GYPE: variants seen among roughly 807,000 people sequenced by gnomAD.
The protein encoded by GYPE is glycophorin E (MNS blood group), also known as glycophorin-E.
GYPE carries 8 observed loss-of-function variants against 11.6 expected under a neutral mutation model. The observed-to-expected ratio is 0.69, with a 90% CI of 0.41 to 1.25. The LOEUF is 1.25. GYPE is among the 50% of genes most tolerant of loss of function. The probability of loss-of-function intolerance (pLI) is 0.01; values close to 1 mark genes in which losing one functional copy is unlikely to be tolerated. For missense variants in GYPE, 90 were observed against 92.8 expected (o/e 0.97, Z 0.12); for synonymous variants, 28 against 29.6 (o/e 0.94, Z 0.18).
chr4:143,892,357 G>A (rs1744442288), intron 1 of GYPE, among the ~76,000 whole-genome samples: 1 of 150,610 alleles, frequency 6.6e-6, no homozygotes, highest in South Asian at 2.1e-4. Flanking sequence ...GCTAGCTTTT[G>A]AATGTGTTTG....
intron 2 of GYPE, among the ~76,000 whole-genome samples, chr4:143,879,017 A>T (rs555950153): frequency 2.0e-5 from 3 of 152,292 alleles, no homozygotes; most frequent in Admixed American, 2.0e-4. Flanking sequence ...AAATAATGAG[A>T]AGAAAGGAGG....
At chr4:143,873,248 T>G in intron 3 of GYPE, 1 of 294,454 alleles carries the variant, frequency 3.4e-6, no homozygotes, top group South Asian at 3.4e-5. Flanking sequence ...ATTTTTATGC[T>G]TTGCTAGGCC....
chr4:143,895,997 A>T (rs2149914326), intron 1 of GYPE, among the ~76,000 whole-genome samples: 1 of 152,282 alleles, frequency 6.6e-6, no homozygotes, highest in East Asian at 1.9e-4. Flanking sequence ...ACTTTATACA[A>T]AAATTAATTC....
At chr4:143,903,297 G>A (rs1744934647) in intron 1 of GYPE, among the ~76,000 whole-genome samples, 1 of 151,144 alleles carries the variant, frequency 6.6e-6, no homozygotes, top group African/African-American at 2.5e-5. Flanking sequence ...TATCCTCCAT[G>A]GGAGCCCATT....
At chr4:143,880,119 C>T (rs1743967592) in intron 2 of GYPE, among the ~76,000 whole-genome samples, 1 of 152,238 alleles carries the variant, frequency 6.6e-6, no homozygotes, top group Non-Finnish European at 1.5e-5. Context: ...CTCCGCACCA[C>T]CGCACTATTA....
At chr4:143,902,565 C>CCT (rs371300250) in intron 1 of GYPE, among the ~76,000 whole-genome samples, 1 of 151,374 alleles carries the variant, frequency 6.6e-6, no homozygotes, top group East Asian at 1.9e-4. Flanking sequence ...TTCTTGCCTC[C>CCT]CTCTCTCTCT....
chr4:143,896,410 C>T (rs1313540992), intron 1 of GYPE, among the ~76,000 whole-genome samples: 18 of 152,230 alleles, frequency 1.2e-4, no homozygotes, highest in Non-Finnish European at 2.5e-4. Flanking sequence ...TGAAAAAATG[C>T]TCATCATCAC....
chr4:143,873,099 T>C (rs1743673415), intron 3 of GYPE, among the ~76,000 whole-genome samples: 1 of 152,196 alleles, frequency 6.6e-6, no homozygotes, highest in African/African-American at 2.4e-5. Context: ...TGTGGGGCTG[T>C]TACTATATTC....
chr4:143,896,001 T>G (rs1228045598), intron 1 of GYPE, among the ~76,000 whole-genome samples: 2 of 152,048 alleles, frequency 1.3e-5, no homozygotes, highest in Non-Finnish European at 2.9e-5. Context: ...TATACAAAAA[T>G]TAATTCAAGA....
At chr4:143,904,042 C>A (rs1156548593) in intron 1 of GYPE, among the ~76,000 whole-genome samples, 2 of 151,986 alleles carry the variant, frequency 1.3e-5, no homozygotes, top group Non-Finnish European at 1.5e-5. Context: ...CACTACATCC[C>A]TTTCATTTGT....
At chr4:143,897,579 G>A (rs142028240) in intron 1 of GYPE, among the ~76,000 whole-genome samples, 9 of 152,212 alleles carry the variant, frequency 5.9e-5, no homozygotes, top group Middle Eastern at 3.2e-3. Context: ...GTGTGTGTGA[G>A]TCTGTGTGCT....
chr4:143,905,232 G>A (rs111811183), intron 1 of GYPE, among the ~76,000 whole-genome samples: 3,009 of 152,232 alleles, frequency 0.02, 113 homozygotes, highest in African/African-American at 0.069. Flanking sequence ...GCTAGACTTA[G>A]AATTGAAGTA....
chr4:143,872,505 C>G (rs1324567984), intron 3 of GYPE, among the ~76,000 whole-genome samples: 1 of 151,640 alleles, frequency 6.6e-6, no homozygotes, highest in Admixed American at 6.6e-5. Context: ...GAGCTGAGTG[C>G]TATGAAAAAA....
rs1033372366 is a variant in GYPE, at chr4:143,871,466, A to G, written c.*796T>C. ...TGAGTTTGTGTTCACTGCTGGGGCC[A>G]GATCTCTTTGCAGGGCTATGTTAGG... On this transcript the variant is annotated 3_prime_UTR_variant, in exon 4 of 4. Coordinates refer to ENST00000358615, the MANE Select transcript of GYPE (RefSeq NM_198682.3). The G allele has an allele frequency of 6.6e-6, 1 of 152,210 alleles. No individual in the cohort carries two copies. Among genetic ancestry groups the G allele is most frequent in the African/African-American group, 2.4e-5 (1 of 41,416 alleles). 9.4% of individuals were successfully genotyped at this position (152,210 alleles called of 1,614,324 possible).
At chr4:143,872,777 A>G (rs1190774241) in intron 3 of GYPE, among the ~76,000 whole-genome samples, 3 of 152,146 alleles carry the variant, frequency 2.0e-5, no homozygotes, top group Non-Finnish European at 1.5e-5. Context: ...AAAAAAGGAG[A>G]AAAAATTAGA....
rs532063358 is a variant in GYPE, at chr4:143,889,188, T to G, written c.38-8679A>C. Among the ~76,000 whole-genome samples, 1,129 of 150,598 alleles carry G rather than the reference T, an allele frequency of 7.5e-3. 1 individual carries two copies. Among genetic ancestry groups the G allele is most frequent in the African/African-American group, 0.027 (1,071 of 40,010 alleles). On this transcript the variant is annotated intron_variant, in intron 1 of 3. Coordinates refer to ENST00000358615, the MANE Select transcript of GYPE (RefSeq NM_198682.3). ...CGAAGGTGTTGTGGCCTAGGAGGAC[T>G]GCAGCTTCCCTTCAGGAAGCCTGAA...
At chr4:143,882,669 A>T (rs1437245195) in intron 1 of GYPE, among the ~76,000 whole-genome samples, 2 of 152,200 alleles carry the variant, frequency 1.3e-5, no homozygotes, top group Admixed American at 1.3e-4. Context: ...TGGAGCTCTC[A>T]TCCTTCACTC....
intron 1 of GYPE, among the ~76,000 whole-genome samples, chr4:143,903,316 T>G (rs1439776036): frequency 1.3e-5 from 2 of 151,476 alleles, no homozygotes; most frequent in Non-Finnish European, 2.9e-5. Flanking sequence ...TTTTTCTTCC[T>G]GCCCTGGGCT....
chr4:143,898,745 T>G (rs1403412938), intron 1 of GYPE, among the ~76,000 whole-genome samples: 2 of 152,184 alleles, frequency 1.3e-5, no homozygotes, highest in Admixed American at 6.5e-5. Context: ...GAAGACAGAT[T>G]TTATTAGGCA....
Sources: allele counts gnomAD v4.1 joint callset (sites outside exome capture counted in the v4.1 genomes callset), GRCh38; gene constraint gnomAD v4.1.1; transcripts MANE v1.5; gene names NCBI Gene and HGNC (gene_info 2026-07-23, HGNC 2026-07-21).